ME3: variants seen among roughly 807,000 people sequenced by gnomAD.
ME3 encodes malic enzyme 3.
ME3 carries 48 observed loss-of-function variants against 68.9 expected under a neutral mutation model. The observed-to-expected ratio is 0.70, with a 90% CI of 0.55 to 0.89. The LOEUF (loss-of-function observed/expected upper bound fraction) is 0.89. Among genes scored for constraint, ME3 ranks in the 40% least tolerant of loss-of-function variants. The probability of loss-of-function intolerance (pLI) is 0.00; values close to 1 mark genes in which losing one functional copy is unlikely to be tolerated. For missense variants in ME3, 675 were observed against 797.4 expected, an observed-to-expected ratio of 0.85 and a Z score of 1.85; for synonymous variants, 320 against 318.8, an observed-to-expected ratio of 1.00 and a Z score of -0.04.
intron 6 of ME3, among the ~76,000 whole-genome samples, chr11:86,491,822 G>C (rs749721053): frequency 4.6e-5 from 7 of 152,132 alleles, no homozygotes; most frequent in African/African-American, 7.2e-5. Flanking sequence ...GAAATGTTTA[G>C]AATTAAGTGT....
At chr11:86,621,999 C>T (rs976866889) in intron 2 of ME3, among the ~76,000 whole-genome samples, 2 of 151,866 alleles carry the variant, frequency 1.3e-5, no homozygotes, top group East Asian at 1.9e-4. Context: ...TGTTAATGGG[C>T]GCCTAGGGCT....
At chr11:86,448,066 G>A (rs1949421718) in intron 11 of ME3, 84 bp downstream of exon 11, 6 of 940,438 alleles carry the variant, frequency 6.4e-6, no homozygotes, top group Non-Finnish European at 1.0e-5. Context: ...GGTTACTTAG[G>A]CTTCCTAGCT....
At chr11:86,477,182 C>T (rs1056818355) in intron 7 of ME3, among the ~76,000 whole-genome samples, 29 of 152,216 alleles carry the variant, frequency 1.9e-4, no homozygotes, top group African/African-American at 6.5e-4. Context: ...TTAAGTCACT[C>T]GTTGATAAGT....
chr11:86,523,352 T>G lies in ME3; in HGVS notation c.468-14485A>C, dbSNP rs143480801. Among the ~76,000 whole-genome samples, 15 of 152,330 alleles carry G rather than the reference T, an allele frequency of 9.8e-5. No homozygotes were observed. In the East Asian group the frequency reaches 2.9e-3, roughly 29 times the overall value. On this transcript the variant is annotated intron_variant, in intron 4 of 14. Coordinates refer to ENST00000543262, the Ensembl canonical transcript of ME3. The stretch of plus-strand genomic sequence containing the variant: ...AATGAGGTAATATCACTGAGGTAAG[T>G]TGGCAAAGTAGTAAGGGAAAGCAGG...
chr11:86,478,836 A>G (rs1368685867), intron 7 of ME3, among the ~76,000 whole-genome samples: 8 of 152,156 alleles, frequency 5.3e-5, no homozygotes, highest in African/African-American at 1.9e-4. Flanking sequence ...GGCCCAGGGA[A>G]GCTTGGTTTA....
chr11:86,657,668 A>G (rs772276329), intron 2 of ME3, among the ~76,000 whole-genome samples: 3 of 152,204 alleles, frequency 2.0e-5, no homozygotes, highest in Non-Finnish European at 4.4e-5. Flanking sequence ...CATGCTTGCT[A>G]TGGTATTAAC....
At chr11:86,548,281 T>C (rs1956479079) in intron 4 of ME3, among the ~76,000 whole-genome samples, 1 of 152,236 alleles carries the variant, frequency 6.6e-6, no homozygotes, top group South Asian at 2.1e-4. Context: ...TAAATGTTCC[T>C]TCTCTCCTCT....
intron 4 of ME3, among the ~76,000 whole-genome samples, chr11:86,524,053 T>G (rs187158942): frequency 6.6e-6 from 1 of 152,346 alleles, no homozygotes; most frequent in East Asian, 1.9e-4. Context: ...TCAGAGGCTT[T>G]AGGCCCCTTT....
chr11:86,490,632 C>T (rs1786930234), intron 6 of ME3, among the ~76,000 whole-genome samples: 1 of 152,166 alleles, frequency 6.6e-6, no homozygotes, highest in South Asian at 2.1e-4. Context: ...CAAAATTACA[C>T]AGATATCATA....
chr11:86,453,675 T>G (rs897117106), intron 8 of ME3, among the ~76,000 whole-genome samples: 1 of 152,238 alleles, frequency 6.6e-6, no homozygotes, highest in Non-Finnish European at 1.5e-5. Context: ...CACTAAAAAT[T>G]ATTTGTTTCT....
intron 2 of ME3, among the ~76,000 whole-genome samples, chr11:86,666,505 C>T (rs1478856910): frequency 6.6e-6 from 1 of 152,214 alleles, no homozygotes; most frequent in African/African-American, 2.4e-5. Flanking sequence ...AATAAACATT[C>T]TCTGAGCTGT....
chr11:86,565,193 G>A (rs1054470519), intron 2 of ME3, among the ~76,000 whole-genome samples: 3 of 151,666 alleles, frequency 2.0e-5, no homozygotes, highest in Non-Finnish European at 2.9e-5. Context: ...AAACACACAC[G>A]TACACATACA....
intron 7 of ME3, among the ~76,000 whole-genome samples, chr11:86,472,859 G>C (rs1303827888): frequency 6.6e-6 from 1 of 152,236 alleles, no homozygotes; most frequent in Admixed American, 6.5e-5. Context: ...AGGATGGAGG[G>C]TGAAGTCCTT....
intron 8 of ME3, among the ~76,000 whole-genome samples, chr11:86,454,422 TAAGTA>T (rs1949805367): frequency 6.6e-6 from 1 of 152,208 alleles, no homozygotes; most frequent in Non-Finnish European, 1.5e-5. Context: ...GAGTAATGAT[TAAGTA>T]AAGTAGCCAG....
chr11:86,532,100 T>G (rs1218340753), intron 4 of ME3, among the ~76,000 whole-genome samples: 1 of 151,918 alleles, frequency 6.6e-6, no homozygotes, highest in Non-Finnish European at 1.5e-5. Flanking sequence ...GTATAGATAT[T>G]AAATCAAAAA....
At chr11:86,532,728 T>G (rs12269737) in intron 4 of ME3, among the ~76,000 whole-genome samples, 1 of 152,168 alleles carries the variant, frequency 6.6e-6, no homozygotes, top group African/African-American at 2.4e-5. Context: ...AAAGCAATTC[T>G]AAGAGGAAAG....
chr11:86,608,589 C>A (rs1274527468), intron 2 of ME3, among the ~76,000 whole-genome samples: 1 of 152,118 alleles, frequency 6.6e-6, no homozygotes, highest in Non-Finnish European at 1.5e-5. Context: ...CAGCTGCTGG[C>A]AGAACTTGTG....
intron 4 of ME3, among the ~76,000 whole-genome samples, chr11:86,526,758 G>T (rs930496837): frequency 5.3e-5 from 8 of 152,208 alleles, no homozygotes; most frequent in Non-Finnish European, 4.4e-5. Context: ...GGCGAACAGG[G>T]TCTGGAGTGG....
chr11:86,622,115 ACT>A (rs1943384874), intron 2 of ME3, among the ~76,000 whole-genome samples: 1 of 151,972 alleles, frequency 6.6e-6, no homozygotes. Flanking sequence ...GTGGTGCAGG[ACT>A]TGTGGAAGAA....
Sources: gnomAD v4.1 joint callset for allele counts (sites outside exome capture counted in the v4.1 genomes callset) on GRCh38, gnomAD v4.1.1 for gene constraint, MANE v1.5 for transcripts, NCBI Gene and HGNC (gene_info 2026-07-23, HGNC 2026-07-21) for gene names.